Variants in LYZL2 observed in about 807,000 individuals in gnomAD.
LYZL2 encodes lysozyme-like protein 2.
In LYZL2, 13 loss-of-function variants were observed where a neutral mutation model predicts 17.1. That is an observed-to-expected ratio of 0.76 (90% CI 0.49 to 1.21). The LOEUF (loss-of-function observed/expected upper bound fraction) is 1.21. Among genes scored for constraint, LYZL2 ranks in the 50% most tolerant of loss-of-function variants. The pLI is 0.00. For synonymous variants in LYZL2, 63 were observed against 74.4 expected (o/e 0.85, Z 0.79); for missense variants, 166 against 189.2 (o/e 0.88, Z 0.72).
chr10:30,608,752 A>G (rs1236463114), downstream of LYZL2, among the ~76,000 whole-genome samples: 1 of 152,208 alleles, frequency 6.6e-6, no homozygotes, highest in Admixed American at 6.5e-5. Flanking sequence ...TTTGAAAACA[A>G]AAATGTTCTT....
At chr10:30,611,714 G>A (rs1838446039), downstream of LYZL2, 3 of 436,146 alleles carry the variant, frequency 6.9e-6, 1 homozygote, top group Non-Finnish European at 1.1e-5. Flanking sequence ...AAGAAAGAAA[G>A]AAAGAAAGAA....
At chr10:30,607,330 C>A (rs187485778), downstream of LYZL2, among the ~76,000 whole-genome samples, 1 of 151,818 alleles carries the variant, frequency 6.6e-6, no homozygotes, top group Non-Finnish European at 1.5e-5. Flanking sequence ...CATTCAATAC[C>A]CAGCGTTTCT....
intron 3 of LYZL2, among the ~76,000 whole-genome samples, chr10:30,622,558 A>G (rs1838641258): frequency 1.1e-5 from 1 of 92,626 alleles, no homozygotes; most frequent in African/African-American, 4.1e-5. Context: ...CAACAAAACA[A>G]AAAAAGAAAA....
At chr10:30,619,760 TG>T (rs1056364619) in intron 3 of LYZL2, among the ~76,000 whole-genome samples, 47 of 151,942 alleles carry the variant, frequency 3.1e-4, no homozygotes, top group African/African-American at 1.1e-3. Context: ...CACACCAAAA[TG>T]GCACATGTAT....
At chr10:30,622,813 A>G (rs1311005133) in intron 3 of LYZL2, among the ~76,000 whole-genome samples, 1 of 152,222 alleles carries the variant, frequency 6.6e-6, no homozygotes, top group African/African-American at 2.4e-5. Flanking sequence ...TTAGGCAAAC[A>G]TTTGCTGACC....
At chr10:30,610,112 G>A (rs1230782396), downstream of LYZL2, among the ~76,000 whole-genome samples, 1 of 91,600 alleles carries the variant, frequency 1.1e-5, no homozygotes, top group African/African-American at 4.9e-5. Context: ...ACTAACAATA[G>A]CTGATGAGCT....
intron 2 of LYZL2, 24 bp from the exon 3 acceptor site, chr10:30,626,287 G>T (rs192326736): frequency 1.2e-6 from 2 of 1,610,908 alleles, no homozygotes; most frequent in African/African-American, 1.3e-5. Flanking sequence ...AGCCAGAAAC[G>T]CCAGCAAAGG....
chr10:30,608,795 T>C (rs994820873), downstream of LYZL2, among the ~76,000 whole-genome samples: 40 of 152,244 alleles, frequency 2.6e-4, no homozygotes, highest in Non-Finnish European at 4.6e-4. Context: ...CCTTCTGTGA[T>C]TCCACATGTG....
At chr10:30,609,219 A>G (rs60463716), downstream of LYZL2, among the ~76,000 whole-genome samples, 17,320 of 152,266 alleles carry the variant, frequency 0.11, 1,076 homozygotes, top group South Asian at 0.18. Context: ...AGTGAAAGAC[A>G]TGGTCTAGGC....
intron 3 of LYZL2, among the ~76,000 whole-genome samples, chr10:30,623,913 A>G (rs1240008959): frequency 6.6e-6 from 1 of 152,182 alleles, no homozygotes; most frequent in East Asian, 1.9e-4. Context: ...GATACAGACC[A>G]TATTCTCTTA....
chr10:30,608,378 T>A (rs750720277), downstream of LYZL2, among the ~76,000 whole-genome samples: 1 of 152,236 alleles, frequency 6.6e-6, no homozygotes, highest in Non-Finnish European at 1.5e-5. Context: ...CTTTCTGGCT[T>A]TCTTGATAAA....
intron 4 of LYZL2, 139 bp from the exon 5 acceptor site, chr10:30,612,163 C>T (rs964784199): frequency 1.4e-5 from 15 of 1,050,126 alleles, no homozygotes; most frequent in South Asian, 4.5e-5. Flanking sequence ...GATCAAAGGA[C>T]GCTGTCATTT....
intron 3 of LYZL2, among the ~76,000 whole-genome samples, chr10:30,617,032 G>A (rs907245301): frequency 1.3e-5 from 2 of 152,178 alleles, no homozygotes; most frequent in African/African-American, 4.8e-5. Context: ...AATAAATGCT[G>A]AGACACTCGT....
rs116200534 is a variant in LYZL2 at position 30,612,932 on chromosome 10, A to C, written c.299-32T>G. On this transcript the variant is annotated intron_variant, in intron 3 of 4. Transcript: ENST00000647634. Reference sequence around the variant, plus strand: ...AAAGAGAGGTCATCAGGGTTAGGCGAGACTTTGTTGTTGGAGAGGGACCCC... The same window carrying C: ...AAAGAGAGGTCATCAGGGTTAGGCGCGACTTTGTTGTTGGAGAGGGACCCC... 2.2e-3 allele frequency: 3,456 copies of C among 1,578,474 alleles called. 69 individuals carry two copies. In the African/African-American group the frequency reaches 0.039, roughly 18 times the overall value.
intron 3 of LYZL2, among the ~76,000 whole-genome samples, chr10:30,615,098 A>G (rs1291453723): frequency 6.6e-6 from 1 of 152,272 alleles, no homozygotes; most frequent in Non-Finnish European, 1.5e-5. Context: ...GCTAATGCCA[A>G]TATGGCAGGC....
chr10:30,620,302 T>C (rs1256947021), intron 3 of LYZL2, among the ~76,000 whole-genome samples: 1 of 152,194 alleles, frequency 6.6e-6, no homozygotes, highest in Non-Finnish European at 1.5e-5. Flanking sequence ...ACATGCTTAC[T>C]AGCAACACCT....
intron 3 of LYZL2, among the ~76,000 whole-genome samples, chr10:30,614,555 G>T (rs547301337): frequency 3.9e-5 from 6 of 152,306 alleles, no homozygotes; most frequent in Admixed American, 1.3e-4. Flanking sequence ...GATCTGGGAG[G>T]CCCATCTCCA....
chr10:30,628,154 C>A (rs554533613), intron 1 of LYZL2, among the ~76,000 whole-genome samples: 2 of 150,426 alleles, frequency 1.3e-5, no homozygotes, highest in African/African-American at 4.9e-5. Context: ...AGCGAGACTC[C>A]GCCTCAAAAA....
chr10:30,619,951 G>A (rs1838594165), intron 3 of LYZL2, among the ~76,000 whole-genome samples: 1 of 152,010 alleles, frequency 6.6e-6, no homozygotes, highest in Non-Finnish European at 1.5e-5. Context: ...TCTGCAAAAA[G>A]GAAATATTTC....
Sources: gnomAD v4.1 joint callset for allele counts (sites outside exome capture counted in the v4.1 genomes callset) on GRCh38, gnomAD v4.1.1 for gene constraint, MANE v1.5 for transcripts, NCBI Gene and HGNC (gene_info 2026-07-23, HGNC 2026-07-21) for gene names.